The following CLSTN2 variants were observed in gnomAD, a reference collection of about 807,000 sequenced individuals.
The protein encoded by CLSTN2 is calsyntenin 2, also known as calsyntenin-2.
A neutral mutation model predicts 101.2 loss-of-function variants in CLSTN2; 48 were observed. That is an observed-to-expected ratio of 0.47 (90% CI 0.38 to 0.60). The LOEUF is 0.60. Among genes scored for constraint, CLSTN2 ranks in the 20% least tolerant of loss-of-function variants. The pLI, the probability that CLSTN2 is intolerant of heterozygous loss-of-function variation, is 0.00. For missense variants in CLSTN2, 1,160 were observed against 1,238.2 expected, an observed-to-expected ratio of 0.94 and a Z score of 0.95; for synonymous variants, 481 against 463.6, an observed-to-expected ratio of 1.04 and a Z score of -0.48.
intron 2 of CLSTN2, among the ~76,000 whole-genome samples, chr3:140,347,841 T>G (rs1353257425): frequency 6.6e-6 from 1 of 152,240 alleles, no homozygotes; most frequent in Non-Finnish European, 1.5e-5. Flanking sequence ...ACATTGCTTT[T>G]AATCAAGAAA....
At chr3:140,015,287 C>T (rs1260353999) in intron 1 of CLSTN2, among the ~76,000 whole-genome samples, 6 of 152,308 alleles carry the variant, frequency 3.9e-5, no homozygotes, top group African/African-American at 1.4e-4. Flanking sequence ...TACCCCTAGG[C>T]ATTTGTGTGT....
intron 5 of CLSTN2, among the ~76,000 whole-genome samples, chr3:140,430,152 G>C (rs2088613811): frequency 6.6e-6 from 1 of 152,226 alleles, no homozygotes; most frequent in Admixed American, 6.5e-5. Context: ...GGCATTGCCA[G>C]AAAGACAGAG....
intron 8 of CLSTN2, among the ~76,000 whole-genome samples, chr3:140,518,250 T>C (rs576591048): frequency 6.6e-6 from 1 of 152,176 alleles, no homozygotes; most frequent in South Asian, 2.1e-4. Context: ...AGCAGGGCTT[T>C]CAGGATTTAT....
At chr3:140,253,712 T>A (rs62267960) in intron 2 of CLSTN2, among the ~76,000 whole-genome samples, 23,114 of 152,094 alleles carry the variant, frequency 0.15, 3,869 homozygotes, top group African/African-American at 0.42. Flanking sequence ...TTAATTATAA[T>A]GAGATAGAAA....
chr3:140,403,402 A>T (rs1276706840), intron 2 of CLSTN2, among the ~76,000 whole-genome samples: 2 of 152,176 alleles, frequency 1.3e-5, no homozygotes, highest in African/African-American at 4.8e-5. Flanking sequence ...TCACTTGAGG[A>T]TCCTGTTAAA....
At chr3:140,374,152 C>A (rs2087889707) in intron 2 of CLSTN2, among the ~76,000 whole-genome samples, 1 of 152,212 alleles carries the variant, frequency 6.6e-6, no homozygotes, top group African/African-American at 2.4e-5. Flanking sequence ...CCACAAACTC[C>A]TTCCCACTGG....
chr3:140,046,316 T>C (rs1433072348), intron 1 of CLSTN2, among the ~76,000 whole-genome samples: 1 of 152,218 alleles, frequency 6.6e-6, no homozygotes, highest in African/African-American at 2.4e-5. Flanking sequence ...GTCTGTTTTA[T>C]CAGAGACTAG....
chr3:140,367,975 G>A (rs1263304671), intron 2 of CLSTN2, among the ~76,000 whole-genome samples: 8 of 152,204 alleles, frequency 5.3e-5, no homozygotes, highest in Admixed American at 5.2e-4. Flanking sequence ...TACATCACTG[G>A]GAAGAAGGAG....
chr3:140,305,052 A>ACT (rs1232711307), intron 2 of CLSTN2, among the ~76,000 whole-genome samples: 8 of 123,096 alleles, frequency 6.5e-5, no homozygotes, highest in Admixed American at 7.9e-5. Context: ...ACACACACAC[A>ACT]CACTCTCTCT....
At chr3:140,403,562 A>G (rs2088267785) in intron 2 of CLSTN2, 67 bp from the exon 3 acceptor site, 2 of 1,349,310 alleles carry the variant, frequency 1.5e-6, no homozygotes, top group Admixed American at 2.0e-5. Context: ...ATCTGGTCCA[A>G]TGGAAGCACT....
chr3:140,390,977 C>G (rs1420045929), intron 2 of CLSTN2, among the ~76,000 whole-genome samples: 1 of 152,190 alleles, frequency 6.6e-6, no homozygotes, highest in East Asian at 1.9e-4. Flanking sequence ...CTTGGTTAAA[C>G]TCAAACTGCA....
At chr3:140,544,743 G>A (rs574330669) in intron 9 of CLSTN2, among the ~76,000 whole-genome samples, 1 of 152,108 alleles carries the variant, frequency 6.6e-6, no homozygotes, top group East Asian at 1.9e-4. Context: ...GCTCCAGGCA[G>A]AGAGAGGGTA....
chr3:139,996,611 C>T (rs574410761), intron 1 of CLSTN2, among the ~76,000 whole-genome samples: 1 of 152,312 alleles, frequency 6.6e-6, no homozygotes, highest in African/African-American at 2.4e-5. Flanking sequence ...ACCATATTCT[C>T]TTGAACACTG....
intron 2 of CLSTN2, among the ~76,000 whole-genome samples, chr3:140,309,826 C>G (rs765985492): frequency 2.0e-5 from 3 of 148,778 alleles, no homozygotes; most frequent in Non-Finnish European, 4.5e-5. Flanking sequence ...TGGCCCTGAA[C>G]TTCCAATCTC....
intron 8 of CLSTN2, among the ~76,000 whole-genome samples, chr3:140,480,083 C>A (rs982593304): frequency 4.6e-5 from 7 of 151,970 alleles, no homozygotes; most frequent in African/African-American, 1.5e-4. Flanking sequence ...GGTATATCTC[C>A]TAATGCTATC....
At chr3:140,097,806 G>C (rs2008896337) in intron 1 of CLSTN2, among the ~76,000 whole-genome samples, 1 of 152,182 alleles carries the variant, frequency 6.6e-6, no homozygotes, top group Non-Finnish European at 1.5e-5. Context: ...TTTTCAGTAA[G>C]TGATTTAAGA....
chr3:139,992,828 C>T (rs932871211), intron 1 of CLSTN2, among the ~76,000 whole-genome samples: 2 of 152,132 alleles, frequency 1.3e-5, no homozygotes, highest in Non-Finnish European at 2.9e-5. Context: ...CAGTTGAAGG[C>T]TGCTTTGCTC....
chr3:140,549,899 G>A (rs1474980894), intron 10 of CLSTN2, among the ~76,000 whole-genome samples: 3 of 150,710 alleles, frequency 2.0e-5, no homozygotes, highest in South Asian at 2.1e-4. Context: ...TCTGAATCAT[G>A]CATATTTATG....
chr3:140,371,000 A>T (rs1488586645), intron 2 of CLSTN2, among the ~76,000 whole-genome samples: 4 of 152,168 alleles, frequency 2.6e-5, no homozygotes, highest in Non-Finnish European at 5.9e-5. Flanking sequence ...TGATTTCTGC[A>T]GAGTTTGAGC....
Sources: allele counts gnomAD v4.1 joint callset (sites outside exome capture counted in the v4.1 genomes callset), GRCh38; gene constraint gnomAD v4.1.1; transcripts MANE v1.5; gene names NCBI Gene and HGNC (gene_info 2026-07-23, HGNC 2026-07-21).